Variants in COL14A1 observed in about 807,000 individuals in gnomAD.
COL14A1 encodes the protein collagen type XIV alpha 1 chain.
Under a neutral mutation model 230.3 loss-of-function variants are expected in COL14A1, and 136 were observed. That is an observed-to-expected ratio of 0.59 (90% confidence interval 0.51 to 0.68). The LOEUF is 0.68. COL14A1 is among the 30% of genes least tolerant of loss of function. The probability of loss-of-function intolerance (pLI) is 0.00; values close to 1 mark genes in which losing one functional copy is unlikely to be tolerated. For missense variants in COL14A1, 1,976 were observed against 2,215.8 expected (o/e 0.89, Z 2.17); for synonymous variants, 792 against 784.1 (o/e 1.01, Z -0.17).
At chr8:120,291,191 A>G (rs1224858024) in intron 34 of COL14A1, among the ~76,000 whole-genome samples, 1 of 152,192 alleles carries the variant, frequency 6.6e-6, no homozygotes, top group Non-Finnish European at 1.5e-5. Flanking sequence ...AGAATTATCA[A>G]ACTAAGGATA....
rs1563715416 is a variant in COL14A1 at position 120,281,564 on chromosome 8, T to TA, written c.3824+505_3824+506insA. Among the ~76,000 whole-genome samples the TA allele has an allele frequency of 5.8e-3, 463 of 79,462 alleles. 4 individuals carry two copies. The highest frequency in any genetic ancestry group is 0.027 in the African/African-American group (422 of 15,462). The allele number at this position is 79,462 out of a possible 152,430, so 52.1% of individuals were successfully genotyped here. A position where few individuals can be genotyped will look rare whatever the true frequency, so the allele number is the denominator to read the frequency against. Reference sequence around the variant, plus strand: ...TTGGTGAAAGAGCAAGACCCCGTCTTTAAAAAAAAAAAAAAAAAGTTGATA... The same window carrying TA: ...TTGGTGAAAGAGCAAGACCCCGTCTTATAAAAAAAAAAAAAAAAAGTTGATA... On this transcript the variant is annotated intron_variant, in intron 31 of 47. Coordinates refer to ENST00000297848, the MANE Select transcript of COL14A1 (RefSeq NM_021110.4).
At chr8:120,288,729 C>G (rs1820285176) in intron 33 of COL14A1, among the ~76,000 whole-genome samples, 1 of 152,136 alleles carries the variant, frequency 6.6e-6, no homozygotes, top group Non-Finnish European at 1.5e-5. Flanking sequence ...ACCGTAATGC[C>G]TTATCTTAAA....
chr8:120,262,827 T>G (rs1225304815), intron 23 of COL14A1, 41 bp from the exon 24 acceptor site: 1 of 1,577,156 alleles, frequency 6.3e-7, no homozygotes, highest in Admixed American at 1.9e-5. Flanking sequence ...TTCAAAAATT[T>G]CATATGTGTG....
intron 1 of COL14A1, among the ~76,000 whole-genome samples, chr8:120,135,792 T>G (rs1262435626): frequency 7.9e-5 from 12 of 152,120 alleles, no homozygotes; most frequent in Non-Finnish European, 1.6e-4. Context: ...AGTAATACAC[T>G]TTTATATTTT....
intron 37 of COL14A1, among the ~76,000 whole-genome samples, chr8:120,310,378 G>GT (rs1297096996): frequency 6.6e-6 from 1 of 152,118 alleles, no homozygotes; most frequent in Non-Finnish European, 1.5e-5. Flanking sequence ...CAACAAAAAC[G>GT]TATCTTTAGA....
chr8:120,323,894 G>C (rs527497748), intron 40 of COL14A1, among the ~76,000 whole-genome samples: 1 of 152,208 alleles, frequency 6.6e-6, no homozygotes, highest in African/African-American at 2.4e-5. Flanking sequence ...TGCCTTGGCT[G>C]TAAGAATGAG....
chr8:120,246,841 A>T (rs1482938501), intron 20 of COL14A1, among the ~76,000 whole-genome samples: 1 of 152,202 alleles, frequency 6.6e-6, no homozygotes, highest in Non-Finnish European at 1.5e-5. Context: ...ATAAGCAATA[A>T]TATAAAACTT....
chr8:120,152,036 G>A (rs554037225), intron 2 of COL14A1, among the ~76,000 whole-genome samples: 14 of 152,182 alleles, frequency 9.2e-5, no homozygotes, highest in East Asian at 3.9e-4. Flanking sequence ...CAGCCCTTCC[G>A]ACACCATCCT....
At chr8:120,216,861 G>T (rs1817767115) in intron 14 of COL14A1, among the ~76,000 whole-genome samples, 1 of 152,198 alleles carries the variant, frequency 6.6e-6, no homozygotes, top group Non-Finnish European at 1.5e-5. Flanking sequence ...TGGCTCAGGA[G>T]TCCCATGACC....
intron 19 of COL14A1, among the ~76,000 whole-genome samples, chr8:120,233,172 T>C (rs1429499218): frequency 6.6e-6 from 1 of 152,222 alleles, no homozygotes; most frequent in Non-Finnish European, 1.5e-5. Flanking sequence ...TATTAGCCAT[T>C]TGTCAGATGA....
At chr8:120,187,365 A>G (rs1006014499) in intron 5 of COL14A1, among the ~76,000 whole-genome samples, 1 of 152,090 alleles carries the variant, frequency 6.6e-6, no homozygotes, top group Non-Finnish European at 1.5e-5. Context: ...TTGCATCTGA[A>G]CCTATGTCCT....
rs374747838 is a variant in COL14A1 at position 120,234,586 on chromosome 8, A to T, written c.2349+2968A>T. On this transcript the variant is annotated intron_variant, in intron 19 of 47. Coordinates refer to ENST00000297848, the MANE Select transcript of COL14A1 (RefSeq NM_021110.4). Reference sequence around the variant, plus strand: ...TTGAGATAATCATGTGGTTTTTGTCATTGATTCTGTTTATGTGATGTATTA... The same window carrying T: ...TTGAGATAATCATGTGGTTTTTGTCTTTGATTCTGTTTATGTGATGTATTA... Among the ~76,000 whole-genome samples, 1,251 of 149,884 alleles carry T rather than the reference A, an allele frequency of 8.3e-3. 30 individuals are homozygous for T. Among genetic ancestry groups the T allele is most frequent in the African/African-American group, 0.03 (1,199 of 39,348 alleles).
chr8:120,278,068 A>G, intron 26 of COL14A1, 43 bp from the exon 27 acceptor site: 1 of 1,522,600 alleles, frequency 6.6e-7, no homozygotes, highest in Non-Finnish European at 8.8e-7. Context: ...GACCCAGTGG[A>G]AGTCTACATA....
At chr8:120,154,831 T>C (rs1815410559) in intron 2 of COL14A1, among the ~76,000 whole-genome samples, 2 of 152,198 alleles carry the variant, frequency 1.3e-5, no homozygotes, top group Admixed American at 1.3e-4. Context: ...AGAAAAATCA[T>C]GGGTCTGGTA....
In COL14A1 at chr8:120,197,925, T is replaced by G. The variant is rs1332122647; in HGVS notation, c.707T>G (p.Leu236Arg). 6.2e-7 allele frequency: 1 copy of G among 1,613,340 alleles called. No homozygotes were observed. Among genetic ancestry groups the G allele is most frequent in the Non-Finnish European group, 8.5e-7 (1 of 1,179,456 alleles). The change falls in exon 7 of 48, where the codon CTA becomes CGA. Residue 236 changes from leucine to arginine, a missense_variant. Coordinates refer to ENST00000297848, the MANE Select transcript of COL14A1 (RefSeq NM_021110.4). ...CTCCCATATAAAGGAGGAAATACAC[T>G]AACAGGTATGTTTTGTTCAATCCAT... ...RNLPYKGGNT[L>R]TGLALNYIFE... is the part of the protein sequence containing the mutation.
At chr8:120,302,964 A>T (rs1820761561) in intron 36 of COL14A1, among the ~76,000 whole-genome samples, 1 of 152,086 alleles carries the variant, frequency 6.6e-6, no homozygotes, top group Non-Finnish European at 1.5e-5. Flanking sequence ...CTTCCTAGTT[A>T]GCTGTATTCC....
At chr8:120,147,251 C>T (rs1815127230) in intron 1 of COL14A1, among the ~76,000 whole-genome samples, 1 of 151,834 alleles carries the variant, frequency 6.6e-6, no homozygotes, top group Non-Finnish European at 1.5e-5. Context: ...TTTAGATTCA[C>T]TTATATTAGG....
intron 31 of COL14A1, among the ~76,000 whole-genome samples, chr8:120,282,644 C>T (rs1402770684): frequency 6.6e-6 from 1 of 152,014 alleles, no homozygotes; most frequent in African/African-American, 2.4e-5. Flanking sequence ...TTTATTTATT[C>T]AATTAATAAC....
intron 31 of COL14A1, among the ~76,000 whole-genome samples, chr8:120,281,527 T>C (rs1003370836): frequency 4.7e-5 from 7 of 148,560 alleles, no homozygotes; most frequent in African/African-American, 7.6e-5. Flanking sequence ...ATCACGCCAC[T>C]GCACCTCAAT....
Sources: allele counts gnomAD v4.1 joint callset (sites outside exome capture counted in the v4.1 genomes callset), GRCh38; gene constraint gnomAD v4.1.1; transcripts MANE v1.5; gene names NCBI Gene and HGNC (gene_info 2026-07-23, HGNC 2026-07-21).